APOBEC1: variants seen among roughly 807,000 people sequenced by gnomAD.
The protein encoded by APOBEC1 is apolipoprotein B mRNA editing enzyme catalytic subunit 1.
Under a neutral mutation model 26.3 loss-of-function variants are expected in APOBEC1, and 22 were observed. The ratio of observed to expected loss-of-function variants is 0.84; its 90% CI spans 0.60 to 1.19. APOBEC1 has a LOEUF of 1.19. Among genes scored for constraint, APOBEC1 ranks in the 50% most tolerant of loss-of-function variants. APOBEC1 has a pLI of 0.00. For missense variants in APOBEC1, 253 were observed against 289.0 expected (o/e 0.88, Z 0.90); for synonymous variants, 77 against 95.3 (o/e 0.81, Z 1.12).
At chr12:7,668,816 C>A (rs7979153), upstream of APOBEC1, among the ~76,000 whole-genome samples, 17,318 of 152,062 alleles carry the variant, frequency 0.11, 1,064 homozygotes, top group South Asian at 0.22. Flanking sequence ...GTAGCCTCAG[C>A]CCCCCGGGTT....
In APOBEC1 at chr12:7,649,665, C is replaced by T; in HGVS notation, c.593G>A (p.Arg198Lys). ...SLPPCLKISR[R>K]WQNHLTFFRL... ...GAAAAATGTAAGATGATTTTGCCAT[C>T]TTCTTGAAATCTTTAAACAGGGTGG... is the stretch of plus-strand genomic sequence containing the variant. The change falls in exon 5 of 5, where the codon AGA (arginine) becomes AAA (lysine). Residue 198 changes from arginine to lysine, a missense_variant. Coordinates refer to ENST00000229304, the MANE Select transcript of APOBEC1 (RefSeq NM_001644.5). The T allele has an allele frequency of 6.2e-7, 1 of 1,613,696 alleles. No homozygotes were observed. The highest frequency in any genetic ancestry group is 8.5e-7 in the Non-Finnish European group (1 of 1,179,678).
chr12:7,658,832 A>C (rs963998569), intron 1 of APOBEC1, among the ~76,000 whole-genome samples: 3 of 151,466 alleles, frequency 2.0e-5, no homozygotes, highest in Admixed American at 2.0e-4. Context: ...ACATGCCTGT[A>C]ATCCCAGCTA....
At chr12:7,651,839 G>A (rs1440699108) in intron 3 of APOBEC1, among the ~76,000 whole-genome samples, 1 of 149,766 alleles carries the variant, frequency 6.7e-6, no homozygotes, top group Non-Finnish European at 1.5e-5. Flanking sequence ...ATTTTATCTT[G>A]AGACGGAGTC....
In APOBEC1 at chr12:7,652,497, C is replaced by G. The variant is rs370589831; in HGVS notation, c.383G>C (p.Arg128Pro). 4 of 1,614,056 alleles carry G rather than the reference C, an allele frequency of 2.5e-6. No homozygotes were observed. The highest frequency in any genetic ancestry group is 3.4e-6 in the Non-Finnish European group (4 of 1,179,998). The change falls in exon 3 of 5, where the codon CGG (arginine) becomes CCG (proline). Residue 128 changes from arginine to proline, a missense_variant. Transcript: ENST00000229304. ...GTTAACAAGGTCCCTGAGACCTTGC[C>G]GATTTTGTTGATCCATGTGCCAAAA... Reference protein sequence around the residue: ...RLFWHMDQQNRQGLRDLVNSG... With the variant: ...RLFWHMDQQNPQGLRDLVNSG...
At chr12:7,649,770 T>A in intron 4 of APOBEC1, 74 bp from the exon 5 acceptor site, 2 of 1,155,184 alleles carry the variant, frequency 1.7e-6, no homozygotes, top group Non-Finnish European at 2.5e-6. Flanking sequence ...CACAAACATT[T>A]AAAAATGTCA....
intron 1 of APOBEC1, among the ~76,000 whole-genome samples, chr12:7,656,994 A>C (rs1863723541): frequency 6.6e-6 from 1 of 150,958 alleles, no homozygotes; most frequent in African/African-American, 2.4e-5. Flanking sequence ...ATGGATTTTT[A>C]GTTTGGGTTG....
chr12:7,663,874 G>T (rs1052476477), intron 1 of APOBEC1, among the ~76,000 whole-genome samples: 3 of 150,114 alleles, frequency 2.0e-5, no homozygotes, highest in Non-Finnish European at 4.4e-5. Flanking sequence ...TTTTTTTCCC[G>T]AGATGGAGTT....
chr12:7,653,726 C>T (rs760699124), intron 2 of APOBEC1, among the ~76,000 whole-genome samples: 2 of 152,122 alleles, frequency 1.3e-5, no homozygotes, highest in African/African-American at 2.4e-5. Context: ...CAAGTGTTGA[C>T]GCCTCAAATT....
At chr12:7,655,799 G>A (rs1287618859) in intron 1 of APOBEC1, among the ~76,000 whole-genome samples, 1 of 152,046 alleles carries the variant, frequency 6.6e-6, no homozygotes, top group Non-Finnish European at 1.5e-5. Context: ...GACCAGCCTG[G>A]GCAACACAGT....
At position 7,658,879 on chromosome 12, in the gene APOBEC1, T is replaced by C. The variant is rs1863754191; in HGVS notation, c.17-4247A>G. On this transcript the variant is annotated intron_variant, in intron 1 of 4. Transcript: ENST00000229304. ...GAGGCACAAGAATCACTTGAATCTG[T>C]GAGGCAGAGGTTGCGGTGAGCCCAG... Among the ~76,000 whole-genome samples the C allele has an allele frequency of 3.4e-5, 5 of 145,612 alleles. No homozygotes were observed. The South Asian group carries it at 1.1e-3, about 31-fold the overall frequency.
At chr12:7,666,268 C>G (rs1863890771), upstream of APOBEC1, among the ~76,000 whole-genome samples, 1 of 151,866 alleles carries the variant, frequency 6.6e-6, no homozygotes, top group Non-Finnish European at 1.5e-5. Flanking sequence ...TTCATTATCT[C>G]CTACTCTGCA....
chr12:7,649,726 T>G, intron 4 of APOBEC1, 30 bp from the exon 5 acceptor site: 1 of 1,462,862 alleles, frequency 6.8e-7, no homozygotes, highest in South Asian at 1.2e-5. Flanking sequence ...TATTTAATCC[T>G]TAGGATGAAT....
chr12:7,668,953 A>T (rs1863924085), upstream of APOBEC1, among the ~76,000 whole-genome samples: 1 of 152,040 alleles, frequency 6.6e-6, no homozygotes, highest in African/African-American at 2.4e-5. Context: ...GCTGGTCTCG[A>T]ACTCCTGACC....
upstream of APOBEC1, among the ~76,000 whole-genome samples, chr12:7,666,786 A>G (rs760559735): frequency 2.0e-5 from 3 of 151,976 alleles, no homozygotes; most frequent in Admixed American, 2.0e-4. Context: ...TGGAGAGGGG[A>G]GGGGAGCTAT....
intron 1 of APOBEC1, among the ~76,000 whole-genome samples, chr12:7,658,038 ATTTGTTCTGTTTTGTTTTGT>A (rs1370127006): frequency 2.2e-5 from 3 of 134,966 alleles, no homozygotes; most frequent in African/African-American, 7.7e-5. Context: ...CTGGAAATTG[ATTTGTTCTGTTTTGTTTTGT>A]TTTGTTTTGT....
At chr12:7,665,790 CA>C in intron 1 of APOBEC1, 66 bp downstream of exon 1, 1 of 1,406,270 alleles carries the variant, frequency 7.1e-7, no homozygotes, top group Non-Finnish European at 1.0e-6. Context: ...CACACACACA[CA>C]CACACACACA....
chr12:7,664,035 A>G (rs2136857768), intron 1 of APOBEC1, among the ~76,000 whole-genome samples: 1 of 151,982 alleles, frequency 6.6e-6, no homozygotes, highest in Middle Eastern at 3.4e-3. Flanking sequence ...TTGTATTTTT[A>G]ATAGAGACGT....
At position 7,655,164 on chromosome 12, in the gene APOBEC1, G is replaced by A. The variant is rs565286930; in HGVS notation, c.17-532C>T. ...GAGGAGGTTGCAGTGAGCCAAGATCGCACCATTGCACTCCAGCCTGGGCAA... is the reference window on the plus strand; with the variant it reads ...GAGGAGGTTGCAGTGAGCCAAGATCACACCATTGCACTCCAGCCTGGGCAA... On this transcript the variant is annotated intron_variant, in intron 1 of 4. Coordinates refer to ENST00000229304, the MANE Select transcript of APOBEC1 (RefSeq NM_001644.5). 1.5e-4 allele frequency among the ~76,000 whole-genome samples: 22 copies of A among 148,436 alleles called. No individual in the cohort carries two copies. In the South Asian group the frequency reaches 2.4e-3, roughly 16 times the overall value.
At chr12:7,664,784 G>A (rs1863869561) in intron 1 of APOBEC1, among the ~76,000 whole-genome samples, 1 of 151,742 alleles carries the variant, frequency 6.6e-6, no homozygotes, top group Non-Finnish European at 1.5e-5. Flanking sequence ...GCCCATGCCT[G>A]TTGTCCCAGC....
Sources: allele counts gnomAD v4.1 joint callset (sites outside exome capture counted in the v4.1 genomes callset), GRCh38; gene constraint gnomAD v4.1.1; transcripts MANE v1.5; gene names NCBI Gene and HGNC (gene_info 2026-07-23, HGNC 2026-07-21).